Variants in HSDL2 observed in about 807,000 individuals in gnomAD.
The protein encoded by HSDL2 is hydroxysteroid dehydrogenase like 2.
HSDL2 carries 27 observed loss-of-function variants against 46.3 expected under a neutral mutation model. The observed-to-expected ratio is 0.58, with a 90% CI of 0.43 to 0.80. HSDL2 has a LOEUF of 0.80. Among genes scored for constraint, HSDL2 ranks in the 30% least tolerant of loss-of-function variants. The probability of loss-of-function intolerance (pLI) is 0.00; values close to 1 mark genes in which losing one functional copy is unlikely to be tolerated. For synonymous variants in HSDL2, 153 were observed against 163.6 expected, an observed-to-expected ratio of 0.94 and a Z score of 0.50; for missense variants, 451 against 502.7, an observed-to-expected ratio of 0.90 and a Z score of 0.98.
In HSDL2 at chr9:112,470,528, T is replaced by C; in HGVS notation, c.1241T>C (p.Met414Thr). The C allele has an allele frequency of 6.3e-7, 1 of 1,597,572 alleles. No individual in the cohort carries two copies. Among genetic ancestry groups the C allele is most frequent in the Non-Finnish European group, 8.6e-7 (1 of 1,166,424 alleles). The change falls in exon 11 of 11, where the codon ATG becomes ACG. Residue 414 changes from methionine (M) to threonine (T), a missense_variant. Coordinates refer to ENST00000398805, the MANE Select transcript of HSDL2 (RefSeq NM_032303.5). Reference sequence around the variant, plus strand: ...AAATTGGAGAAGCTAATGAATCAGATGAATGCCAGACTGTGAAGGAAAATA... The same window carrying C: ...AAATTGGAGAAGCTAATGAATCAGACGAATGCCAGACTGTGAAGGAAAATA... ...AIKLEKLMNQ[M>T]NARL
At chr9:112,459,186 T>C (rs950691276) in intron 9 of HSDL2, among the ~76,000 whole-genome samples, 3 of 152,190 alleles carry the variant, frequency 2.0e-5, no homozygotes, top group Admixed American at 2.0e-4. Flanking sequence ...CTGGTTATCT[T>C]GATTCCTTAA....
At chr9:112,439,197 C>T (rs1196365141) in intron 7 of HSDL2, among the ~76,000 whole-genome samples, 1 of 152,162 alleles carries the variant, frequency 6.6e-6, no homozygotes, top group Non-Finnish European at 1.5e-5. Context: ...GGGGTTTCAC[C>T]ATGTTGCCCA....
At chr9:112,400,332 G>C (rs1461300912) in intron 1 of HSDL2, among the ~76,000 whole-genome samples, 4 of 152,138 alleles carry the variant, frequency 2.6e-5, no homozygotes. Context: ...CTTTGGGCAG[G>C]GCATGGTGGC....
At position 112,454,159 on chromosome 9, in the gene HSDL2, T is replaced by G. The variant is rs1381523356; in HGVS notation, c.1012T>G (p.Ser338Ala). Residue 338 changes from serine (S) to alanine (A), a missense_variant, in exon 9 of 11, where the codon TCC (serine) becomes GCC (alanine). Coordinates refer to ENST00000398805, the MANE Select transcript of HSDL2 (RefSeq NM_032303.5). ...ATQAIYLFEL[S>A]GEDGGTWFLD... is the part of the protein sequence containing the mutation. ...TCAAGCAATCTATCTGTTTGAACTCTCCGGTAAGGACTGCATCTGGTAATC... is the reference window on the plus strand; with the variant it reads ...TCAAGCAATCTATCTGTTTGAACTCGCCGGTAAGGACTGCATCTGGTAATC... The G allele has an allele frequency of 9.3e-6, 15 of 1,610,376 alleles. No individual in the cohort carries two copies. The highest frequency in any genetic ancestry group is 1.3e-5 in the Non-Finnish European group (15 of 1,178,966).
chr9:112,463,275 T>C (rs958796250), intron 10 of HSDL2, among the ~76,000 whole-genome samples: 12 of 129,354 alleles, frequency 9.3e-5, no homozygotes, highest in East Asian at 2.2e-4. Context: ...TTTTTTTTTT[T>C]CACTTAAAAT....
chr9:112,461,298 C>T (rs1833203507), intron 10 of HSDL2, among the ~76,000 whole-genome samples: 3 of 152,224 alleles, frequency 2.0e-5, no homozygotes, highest in Admixed American at 2.0e-4. Flanking sequence ...AGGCTGGTCT[C>T]GAATTGCTGA....
chr9:112,418,237 A>C (rs1178949520), intron 5 of HSDL2, among the ~76,000 whole-genome samples: 4 of 152,120 alleles, frequency 2.6e-5, no homozygotes, highest in African/African-American at 7.2e-5. Flanking sequence ...GTTCTTTACA[A>C]AATAGTACAG....
intron 1 of HSDL2, among the ~76,000 whole-genome samples, chr9:112,392,985 G>A (rs1332788591): frequency 1.3e-5 from 2 of 152,144 alleles, no homozygotes; most frequent in African/African-American, 2.4e-5. Flanking sequence ...CAGACTTCCT[G>A]TAACATCTCT....
intron 6 of HSDL2, among the ~76,000 whole-genome samples, chr9:112,438,043 C>G (rs530006791): frequency 5.3e-5 from 8 of 151,930 alleles, no homozygotes; most frequent in Non-Finnish European, 1.0e-4. Flanking sequence ...GTCAGGAGTT[C>G]GAGACCAGCC....
chr9:112,469,807 AT>A (rs1369975553), intron 10 of HSDL2: 1 of 152,174 alleles, frequency 6.6e-6, no homozygotes, highest in Non-Finnish European at 1.5e-5. Flanking sequence ...TTCCTCATTA[AT>A]TCCACTATGT....
At chr9:112,382,035 C>T (rs1419560163) in intron 1 of HSDL2, among the ~76,000 whole-genome samples, 26 of 152,060 alleles carry the variant, frequency 1.7e-4, no homozygotes, top group Admixed American at 1.7e-3. Flanking sequence ...GTCAAGAGTT[C>T]GAGACCAGCC....
chr9:112,419,955 G>A (rs1282524886), intron 6 of HSDL2, among the ~76,000 whole-genome samples: 2 of 152,192 alleles, frequency 1.3e-5, no homozygotes, highest in African/African-American at 4.8e-5. Context: ...GTAGCTTAAA[G>A]GAAGAAAAAG....
chr9:112,412,794 A>T (rs1168328051), intron 4 of HSDL2, among the ~76,000 whole-genome samples: 1 of 152,134 alleles, frequency 6.6e-6, no homozygotes, highest in African/African-American at 2.4e-5. Context: ...ACATTTTTAG[A>T]TGTGAAGGTG....
In HSDL2 at chr9:112,380,121, C is replaced by T. The variant is rs1442355313; in HGVS notation, c.-43C>T. 7.2e-6 allele frequency: 11 copies of T among 1,523,162 alleles called. No individual in the cohort carries two copies. Among genetic ancestry groups the T allele is most frequent in the Non-Finnish European group, 8.9e-6 (10 of 1,120,606 alleles). 94.4% of individuals were successfully genotyped at this position (1,523,162 alleles called of 1,614,324 possible). ...CGGTCCAGCTTTAGCTCTCTGCTCG[C>T]CGCCGCCGCTGTCGCCGCCACCTCC... is the stretch of plus-strand genomic sequence containing the variant. On this transcript the variant is annotated 5_prime_UTR_variant, in exon 1 of 11. Transcript: ENST00000398805.
At chr9:112,397,376 C>T (rs1300060506) in intron 1 of HSDL2, among the ~76,000 whole-genome samples, 1 of 152,156 alleles carries the variant, frequency 6.6e-6, no homozygotes, top group Admixed American at 6.5e-5. Context: ...TTCTTAAAAG[C>T]TAACATGCTA....
intron 6 of HSDL2, among the ~76,000 whole-genome samples, chr9:112,428,776 C>T (rs1024638858): frequency 1.3e-5 from 2 of 152,198 alleles, no homozygotes; most frequent in Non-Finnish European, 2.9e-5. Context: ...AATTACCCTT[C>T]CTCACATCAC....
rs1026822247 is a variant in HSDL2, at chr9:112,472,223, C to T, written c.*1679C>T. On this transcript the variant is annotated 3_prime_UTR_variant, in exon 11 of 11. Coordinates refer to ENST00000398805, the MANE Select transcript of HSDL2 (RefSeq NM_032303.5). ...CCTCTGCTTTAATCCACACAAGGAA[C>T]GTAACCTGAAGTAACCTGATGTTAA... The T allele has an allele frequency of 6.6e-6, 1 of 152,206 alleles. No individual in the cohort carries two copies. Among genetic ancestry groups the T allele is most frequent in the Non-Finnish European group, 1.5e-5 (1 of 68,038 alleles). The allele number at this position is 152,206 out of a possible 1,614,324, so 9.4% of individuals were successfully genotyped here. A position where few individuals can be genotyped will look rare whatever the true frequency, so the allele number is the denominator to read the frequency against.
intron 6 of HSDL2, among the ~76,000 whole-genome samples, chr9:112,437,715 G>A (rs554844214): frequency 6.6e-6 from 1 of 152,330 alleles, no homozygotes; most frequent in South Asian, 2.1e-4. Context: ...TTGGCATTAA[G>A]ACTGTTGGTA....
chr9:112,436,653 T>C lies in HSDL2; in HGVS notation c.599-1778T>C, dbSNP rs796751273. On this transcript the variant is annotated intron_variant, in intron 6 of 10. Transcript: ENST00000398805. The stretch of plus-strand genomic sequence containing the variant: ...ACTCACAAACCTAAGTACATTTAAA[T>C]AAGTTGACTTTCTGTGAACCTATGA... 6.6e-5 allele frequency among the ~76,000 whole-genome samples: 10 copies of C among 152,270 alleles called. 1 individual carries two copies. The highest frequency in any genetic ancestry group is 2.4e-4 in the African/African-American group (10 of 41,528).
Sources: allele counts gnomAD v4.1 joint callset (sites outside exome capture counted in the v4.1 genomes callset), GRCh38; gene constraint gnomAD v4.1.1; transcripts MANE v1.5; gene names NCBI Gene and HGNC (gene_info 2026-07-23, HGNC 2026-07-21).